Variants in AFF3 observed in about 807,000 individuals in gnomAD.
AFF3 encodes AF4/FMR2 family member 3.
AFF3 carries 32 observed loss-of-function variants against 129.7 expected under a neutral mutation model. That is an observed-to-expected ratio of 0.25 (90% CI 0.19 to 0.33). The LOEUF is 0.33. Ranked by LOEUF, AFF3 falls within the 10% of genes least tolerant of loss-of-function variation. The pLI is 1.00. For synonymous variants in AFF3, 644 were observed against 635.4 expected (o/e 1.01, Z -0.20); for missense variants, 1,373 against 1,592.0 (o/e 0.86, Z 2.34).
At chr2:99,674,967 G>C (rs1347566378) in intron 11 of AFF3, among the ~76,000 whole-genome samples, 1 of 152,160 alleles carries the variant, frequency 6.6e-6, no homozygotes, top group African/African-American at 2.4e-5. Flanking sequence ...ACGTAAACAC[G>C]CATCTGTTTG....
rs1029689534 is a variant in AFF3 at position 99,707,513 on chromosome 2, A to G, written c.1091+19564T>C. ...GTTTCAAACGCGTCTTAGTAACATA[A>G]ACTGAAGTTAGGTAGCCTTCTTTGA... On this transcript the variant is annotated intron_variant, in intron 11 of 24. Transcript: ENST00000672756. The G allele has an allele frequency of 5.1e-6, 5 of 985,302 alleles. No homozygotes were observed. In the African/African-American group the frequency reaches 7.0e-5, roughly 14 times the overall value. 61.0% of individuals were successfully genotyped at this position (985,302 alleles called of 1,614,324 possible).
chr2:100,138,652 G>A (rs566543144), intron 1 of AFF3, among the ~76,000 whole-genome samples: 8 of 152,244 alleles, frequency 5.3e-5, no homozygotes, highest in African/African-American at 1.9e-4. Flanking sequence ...AATCTTAAAA[G>A]ATACCAGTAG....
intron 8 of AFF3, among the ~76,000 whole-genome samples, chr2:99,824,807 G>T (rs1212448347): frequency 6.6e-6 from 1 of 152,190 alleles, no homozygotes; most frequent in Non-Finnish European, 1.5e-5. Flanking sequence ...TGGAGGTGCT[G>T]CACACGGCAC....
At chr2:99,981,846 CAT>C (rs747849770) in intron 7 of AFF3, among the ~76,000 whole-genome samples, 1 of 152,218 alleles carries the variant, frequency 6.6e-6, no homozygotes, top group Non-Finnish European at 1.5e-5. Flanking sequence ...GTATTTCTCA[CAT>C]GAGCTTCAAA....
At position 99,546,995 on chromosome 2, in the gene AFF3, G is replaced by A. The variant is rs1222971983; in HGVS notation, c.*4479C>T. 1.8e-5 allele frequency: 4 copies of A among 220,612 alleles called. No homozygotes were observed. The East Asian group carries it at 2.7e-4, about 15-fold the overall frequency. The allele number at this position is 220,612 out of a possible 1,614,324, so 13.7% of individuals were successfully genotyped here. A position where few individuals can be genotyped will look rare whatever the true frequency, so the allele number is the denominator to read the frequency against. ...GTGTGTGCGTATGTGTATGTATCAG[G>A]AAATAGCAAAGACAAATAGTAAACT... On this transcript the variant is annotated 3_prime_UTR_variant, in exon 25 of 25. Coordinates refer to ENST00000672756, the MANE Select transcript of AFF3 (RefSeq NM_001386135.1).
chr2:99,785,129 G>A (rs1246911796), intron 8 of AFF3, among the ~76,000 whole-genome samples: 1 of 152,200 alleles, frequency 6.6e-6, no homozygotes, highest in African/African-American at 2.4e-5. Context: ...GATGTGGAAA[G>A]AGCAGGAGAG....
chr2:99,608,930 T>C (rs1680640341), intron 13 of AFF3, among the ~76,000 whole-genome samples: 1 of 152,182 alleles, frequency 6.6e-6, no homozygotes, highest in Non-Finnish European at 1.5e-5. Flanking sequence ...AGACCTCTGA[T>C]CTATGTCCCA....
chr2:99,792,731 A>C (rs1327849812), intron 8 of AFF3, among the ~76,000 whole-genome samples: 1 of 152,162 alleles, frequency 6.6e-6, no homozygotes, highest in Non-Finnish European at 1.5e-5. Flanking sequence ...ATATTCATAT[A>C]ATTTTATCCT....
At chr2:99,763,754 A>G (rs13405175) in intron 8 of AFF3, among the ~76,000 whole-genome samples, 8,016 of 152,318 alleles carry the variant, frequency 0.053, 257 homozygotes, top group African/African-American at 0.098. Context: ...AAAGACTGCA[A>G]AAAAGAGGGT....
At chr2:100,003,635 G>T (rs750112169) in intron 7 of AFF3, among the ~76,000 whole-genome samples, 5 of 152,156 alleles carry the variant, frequency 3.3e-5, no homozygotes, top group Non-Finnish European at 7.3e-5. Context: ...AATTGCACTG[G>T]ATTTTTCTGC....
chr2:100,056,059 T>TCACACACACACACACA (rs747714847), intron 4 of AFF3, among the ~76,000 whole-genome samples: 3 of 114,654 alleles, frequency 2.6e-5, no homozygotes, highest in African/African-American at 1.4e-4. Context: ...TCGCTGTCTC[T>TCACACACACACACACA]CTCTCACACA....
intron 8 of AFF3, among the ~76,000 whole-genome samples, chr2:99,832,463 T>C (rs966099864): frequency 2.0e-5 from 3 of 152,156 alleles, no homozygotes; most frequent in Admixed American, 1.3e-4. Context: ...AGTCCACAGA[T>C]TGTAGTCACA....
intron 24 of AFF3, among the ~76,000 whole-genome samples, chr2:99,554,068 A>C (rs534426091): frequency 4.4e-4 from 67 of 152,238 alleles, no homozygotes; most frequent in African/African-American, 1.5e-3. Context: ...ACAACAGGGG[A>C]ATGGTTTGAG....
At chr2:99,827,175 G>A (rs571799771) in intron 8 of AFF3, among the ~76,000 whole-genome samples, 1 of 152,316 alleles carries the variant, frequency 6.6e-6, no homozygotes, top group East Asian at 1.9e-4. Context: ...TCAGGAAACA[G>A]AGCTGTGTTT....
chr2:99,893,111 A>G (rs1693692620), intron 7 of AFF3, among the ~76,000 whole-genome samples: 1 of 152,146 alleles, frequency 6.6e-6, no homozygotes, highest in Non-Finnish European at 1.5e-5. Flanking sequence ...AGGGTGAACC[A>G]TGACCATTAA....
At position 99,685,471 on chromosome 2, in the gene AFF3, G is replaced by A. The variant is rs536391854; in HGVS notation, c.1092-12882C>T. ...GCCATATCCATTGCAGAAGAGGGGTGCATTTACTGGGTTGGAAGTGGTGTC... is the reference window on the plus strand; with the variant it reads ...GCCATATCCATTGCAGAAGAGGGGTACATTTACTGGGTTGGAAGTGGTGTC... On this transcript the variant is annotated intron_variant, in intron 11 of 24. Transcript: ENST00000672756. 2.0e-5 allele frequency among the ~76,000 whole-genome samples: 3 copies of A among 152,270 alleles called. No individual in the cohort carries two copies. The South Asian group carries it at 6.2e-4, about 32-fold the overall frequency.
At chr2:99,669,964 C>T (rs1359408611) in intron 12 of AFF3, among the ~76,000 whole-genome samples, 1 of 152,166 alleles carries the variant, frequency 6.6e-6, no homozygotes. Context: ...ACAAAATATG[C>T]CTATTGGATC....
intron 7 of AFF3, among the ~76,000 whole-genome samples, chr2:99,931,819 G>A (rs559975769): frequency 6.6e-6 from 1 of 152,318 alleles, no homozygotes; most frequent in East Asian, 1.9e-4. Flanking sequence ...TGAGGCACAA[G>A]AATCACTTGA....
At chr2:99,911,856 A>T (rs1695131539) in intron 7 of AFF3, among the ~76,000 whole-genome samples, 2 of 152,242 alleles carry the variant, frequency 1.3e-5, no homozygotes. Flanking sequence ...GAGTATCTGC[A>T]AAGCAATTTA....
Sources: gnomAD v4.1 joint callset for allele counts (sites outside exome capture counted in the v4.1 genomes callset) on GRCh38, gnomAD v4.1.1 for gene constraint, MANE v1.5 for transcripts, NCBI Gene and HGNC (gene_info 2026-07-23, HGNC 2026-07-21) for gene names.